Variants in SEMA4B observed in about 807,000 individuals in gnomAD.
The protein encoded by SEMA4B is semaphorin-4B.
SEMA4B carries 55 observed loss-of-function variants against 88.1 expected under a neutral mutation model. That is an observed-to-expected ratio of 0.62 (90% CI 0.50 to 0.78). The LOEUF is 0.78. Among genes scored for constraint, SEMA4B ranks in the 30% least tolerant of loss-of-function variants. The pLI is 0.00. For missense variants in SEMA4B, 1,062 were observed against 1,111.9 expected (o/e 0.96, Z 0.64); for synonymous variants, 525 against 473.6 (o/e 1.11, Z -1.41).
At chr15:90,186,339 G>C (rs1301276805) in intron 1 of SEMA4B, among the ~76,000 whole-genome samples, 2 of 152,094 alleles carry the variant, frequency 1.3e-5, no homozygotes, top group African/African-American at 4.8e-5. Context: ...GGGGACATTG[G>C]CCAGGCATGG....
chr15:90,214,633 CAAAAAAAAAAA>C (rs766089827), intron 1 of SEMA4B, among the ~76,000 whole-genome samples: 4 of 94,274 alleles, frequency 4.2e-5, no homozygotes, highest in South Asian at 8.4e-4. Flanking sequence ...AACACCATCT[CAAAAAAAAAAA>C]AAAAAAAAAA....
rs746984202 is a variant in SEMA4B, at chr15:90,226,608, C to T, written c.1688+781C>T. 7.2e-5 allele frequency among the ~76,000 whole-genome samples: 11 copies of T among 152,200 alleles called. No homozygotes were observed. The Middle Eastern group carries it at 0.01, about 141-fold the overall frequency. On this transcript the variant is annotated intron_variant, in intron 12 of 13. Coordinates refer to ENST00000411539, the MANE Select transcript of SEMA4B (RefSeq NM_198925.4). ...CACCCACCTTGGGCTCCCAGAGTGC[C>T]GGGATTACAGCCATGAGCCACCGCG...
intron 1 of SEMA4B, among the ~76,000 whole-genome samples, chr15:90,207,843 C>T (rs1402665294): frequency 6.6e-6 from 1 of 152,232 alleles, no homozygotes; most frequent in Non-Finnish European, 1.5e-5. Flanking sequence ...AGCTGGCAGA[C>T]ATGTGGCACA....
intron 1 of SEMA4B, among the ~76,000 whole-genome samples, chr15:90,216,705 G>A (rs1312534276): frequency 6.6e-6 from 1 of 152,180 alleles, no homozygotes; most frequent in African/African-American, 2.4e-5. Flanking sequence ...TTAGCTGGGT[G>A]TGATGGTGCA....
At chr15:90,195,760 C>G (rs1454099167) in intron 1 of SEMA4B, among the ~76,000 whole-genome samples, 1 of 152,150 alleles carries the variant, frequency 6.6e-6, no homozygotes, top group African/African-American at 2.4e-5. Flanking sequence ...CAGGCATGCG[C>G]CACCATACCT....
intron 1 of SEMA4B, among the ~76,000 whole-genome samples, chr15:90,192,546 A>G (rs1272670360): frequency 2.8e-5 from 4 of 142,732 alleles, no homozygotes; most frequent in Admixed American, 2.7e-4. Context: ...TTTGCTTTTT[A>G]CTTTTAGCCA....
upstream of SEMA4B, among the ~76,000 whole-genome samples, chr15:90,200,805 A>G (rs748191833): frequency 1.3e-5 from 2 of 152,164 alleles, no homozygotes; most frequent in Non-Finnish European, 2.9e-5. Flanking sequence ...TGCCTAGACT[A>G]AGTGCTGAGC....
rs372378770 is a variant in SEMA4B at position 90,204,333 on chromosome 15, T to C, written c.157+2598T>C. Among the ~76,000 whole-genome samples, 5 of 152,240 alleles carry C rather than the reference T, an allele frequency of 3.3e-5. No homozygotes were observed. In the East Asian group the frequency reaches 9.6e-4, roughly 29 times the overall value. On this transcript the variant is annotated intron_variant, in intron 1 of 13. Coordinates refer to ENST00000411539, the MANE Select transcript of SEMA4B (RefSeq NM_198925.4). ...CAGATGCCTAGGGACAGTGGGGCTATGTCTGTGGTTTAAAACAAAATCCCT... is the reference window on the plus strand; with the variant it reads ...CAGATGCCTAGGGACAGTGGGGCTACGTCTGTGGTTTAAAACAAAATCCCT...
chr15:90,194,120 C>CCT (rs1960428407), intron 1 of SEMA4B, among the ~76,000 whole-genome samples: 1 of 152,070 alleles, frequency 6.6e-6, no homozygotes, highest in Non-Finnish European at 1.5e-5. Context: ...CTAAAGTGCT[C>CCT]AGATTACGGG....
chr15:90,204,006 G>C (rs953478800), intron 1 of SEMA4B, among the ~76,000 whole-genome samples: 1 of 152,018 alleles, frequency 6.6e-6, no homozygotes. Context: ...TCTTACCTAC[G>C]TGCAGGTCCT....
chr15:90,220,109 C>T (rs918490693), intron 4 of SEMA4B: 12 of 517,666 alleles, frequency 2.3e-5, no homozygotes, highest in Admixed American at 3.7e-5. Context: ...GGGGCACATG[C>T]GGTCACTTAC....
At chr15:90,217,924 G>A in intron 3 of SEMA4B, 95 bp downstream of exon 3, 1 of 1,054,882 alleles carries the variant, frequency 9.5e-7, no homozygotes. Context: ...AGCAGATACA[G>A]CCAGGTATGG....
At chr15:90,224,145 G>A (rs1171973597) in intron 9 of SEMA4B, among the ~76,000 whole-genome samples, 157 bp downstream of exon 9, 11 of 152,236 alleles carry the variant, frequency 7.2e-5, no homozygotes, top group Admixed American at 7.2e-4. Context: ...AGGCCTGCTT[G>A]TGTACTGGGT....
At chr15:90,217,185 T>C (rs1175478575) in intron 1 of SEMA4B, 3 of 367,438 alleles carry the variant, frequency 8.2e-6, no homozygotes, top group African/African-American at 2.1e-5. Flanking sequence ...TGGTTTTCAG[T>C]TTTTTATTAA....
At chr15:90,202,101 G>A (rs1960774716) in intron 1 of SEMA4B, among the ~76,000 whole-genome samples, 1 of 152,250 alleles carries the variant, frequency 6.6e-6, no homozygotes, top group Non-Finnish European at 1.5e-5. Context: ...GGGGTAGAGG[G>A]AGGCCACTGC....
intron 1 of SEMA4B, among the ~76,000 whole-genome samples, chr15:90,191,760 T>C (rs1158028402): frequency 6.6e-6 from 1 of 152,184 alleles, no homozygotes; most frequent in East Asian, 1.9e-4. Flanking sequence ...AGACCCTGGG[T>C]AAAAGCTGCC....
intron 1 of SEMA4B, among the ~76,000 whole-genome samples, chr15:90,216,843 C>CAA (rs71461854): frequency 2.7e-5 from 4 of 148,018 alleles, no homozygotes; most frequent in Non-Finnish European, 4.5e-5. Context: ...GACTTCGTCT[C>CAA]AAAAAAAAAA....
chr15:90,194,247 T>A (rs1960432643), intron 1 of SEMA4B, among the ~76,000 whole-genome samples: 1 of 151,964 alleles, frequency 6.6e-6, no homozygotes, highest in Non-Finnish European at 1.5e-5. Context: ...AAGATATTGA[T>A]CAGGCCAGGC....
intron 1 of SEMA4B, among the ~76,000 whole-genome samples, chr15:90,208,170 C>T (rs1961082793): frequency 6.6e-6 from 1 of 151,800 alleles, no homozygotes; most frequent in South Asian, 2.1e-4. Context: ...AGGAGAATCA[C>T]TTGAACCTGG....
Sources: gnomAD v4.1 joint callset for allele counts (sites outside exome capture counted in the v4.1 genomes callset) on GRCh38, gnomAD v4.1.1 for gene constraint, MANE v1.5 for transcripts, NCBI Gene and HGNC (gene_info 2026-07-23, HGNC 2026-07-21) for gene names.